The following MCTS1 variants were observed in gnomAD, a reference collection of about 807,000 sequenced individuals.
The protein encoded by MCTS1 is malignant T-cell-amplified sequence 1.
For missense variants in MCTS1, 55 were observed against 128.6 expected (o/e 0.43, Z 2.77); for synonymous variants, 26 against 40.8 (o/e 0.64, Z 1.38).
intron 1 of MCTS1, 43 bp downstream of exon 1, chrX:120,604,290 G>A: frequency 2.5e-6 from 3 of 1,200,266 alleles, no homozygotes; most frequent in Non-Finnish European, 3.4e-6. Flanking sequence ...CACAAAGGCG[G>A]TGGGGTGGGG....
intron 1 of MCTS1, 85 bp downstream of exon 1, chrX:120,604,332 T>C: frequency 8.8e-7 from 1 of 1,130,838 alleles, no homozygotes. Context: ...AAGATCCTCT[T>C]TCTCTCTCCC....
rs1437114567 is a variant in MCTS1 at position 120,618,041 on chromosome X, TG to T, written c.*5779del. On this transcript the variant is annotated 3_prime_UTR_variant, in exon 6 of 6. Transcript: ENST00000371317. ...GGATGTTGTCTTTGTCCCCAAATTC[TG>T]GTGTTGTCCTATGCTGATGCATAAT... is the stretch of plus-strand genomic sequence containing the variant. Among the ~76,000 whole-genome samples the T allele has an allele frequency of 1.7e-4, 19 of 112,927 alleles. No individual in the cohort carries two copies. The highest frequency in any genetic ancestry group is 6.1e-4 in the African/African-American group (19 of 31,068).
At position 120,613,090 on chromosome X, in the gene MCTS1, C is replaced by T. The variant is rs1926743169; in HGVS notation, c.*826C>T. On this transcript the variant is annotated 3_prime_UTR_variant, in exon 6 of 6. Coordinates refer to ENST00000371317, the MANE Select transcript of MCTS1 (RefSeq NM_014060.3). ...TACAGGCACGTGCCACCATGCCCGG[C>T]TAATTTTGTATTTTTGGTAGAGATG... Among the ~76,000 whole-genome samples the T allele has an allele frequency of 9.1e-6, 1 of 109,998 alleles. No individual in the cohort carries two copies. Among genetic ancestry groups the T allele is most frequent in the Admixed American group, 9.7e-5 (1 of 10,262 alleles).
Position 120,605,020 on chromosome X carries a change from T to C in MCTS1, c.12-387T>C, listed in dbSNP as rs1926496866. On this transcript the variant is annotated intron_variant, in intron 1 of 5. Coordinates refer to ENST00000371317, the MANE Select transcript of MCTS1 (RefSeq NM_014060.3). The stretch of plus-strand genomic sequence containing the variant: ...GGGTTGGTCTTTTGTATCTCAAGAA[T>C]TGAGGGTTTTGTTTTCTGATCTCAG... Among the ~76,000 whole-genome samples, 5 of 111,380 alleles carry C rather than the reference T, an allele frequency of 4.5e-5. No individual in the cohort carries two copies. The South Asian group carries it at 1.9e-3, about 42-fold the overall frequency.
rs1340565403 is a variant in MCTS1, at chrX:120,615,271, T to C, written c.*3007T>C. 8.9e-6 allele frequency among the ~76,000 whole-genome samples: 1 copy of C among 112,336 alleles called. No homozygotes were observed. The highest frequency in any genetic ancestry group is 1.9e-5 in the Non-Finnish European group (1 of 53,313). ...CTGCTTCTCTCAGGCAGTGTGTCTT[T>C]AGTTCATTTTTAGTTTCAAAATTAA... is the stretch of plus-strand genomic sequence containing the variant. On this transcript the variant is annotated 3_prime_UTR_variant, in exon 6 of 6. Transcript: ENST00000371317.
In MCTS1 at chrX:120,617,273, CCT is replaced by C. The variant is rs1424308957; in HGVS notation, c.*5012_*5013del. ...ATGGCACGATCTCGGCTCACTGCAA[CCT>C]CTGTCTTCCGGGTTCAAGCGATTCT... is the stretch of plus-strand genomic sequence containing the variant. On this transcript the variant is annotated 3_prime_UTR_variant, in exon 6 of 6. Transcript: ENST00000371317. 7.2e-5 allele frequency among the ~76,000 whole-genome samples: 8 copies of C among 111,656 alleles called. No homozygotes were observed. Among genetic ancestry groups the C allele is most frequent in the African/African-American group, 9.8e-5 (3 of 30,701 alleles).
rs765659839 is a variant in MCTS1 at position 120,619,020 on chromosome X, A to G, written c.*6756A>G. On this transcript the variant is annotated 3_prime_UTR_variant, in exon 6 of 6. Coordinates refer to ENST00000371317, the MANE Select transcript of MCTS1 (RefSeq NM_014060.3). ...ATTAAAGTGTAGGGAGATAGAAACTATACCAATTTGGGCAATTTTGGCTCT... is the reference window on the plus strand; with the variant it reads ...ATTAAAGTGTAGGGAGATAGAAACTGTACCAATTTGGGCAATTTTGGCTCT... Among the ~76,000 whole-genome samples, 8 of 112,199 alleles carry G rather than the reference A, an allele frequency of 7.1e-5. No homozygotes were observed. The highest frequency in any genetic ancestry group is 1.5e-4 in the Non-Finnish European group (8 of 53,280).
intron 5 of MCTS1, 67 bp downstream of exon 5, chrX:120,611,145 T>TA: frequency 9.8e-7 from 1 of 1,015,244 alleles, no homozygotes; most frequent in Admixed American, 2.2e-5. Flanking sequence ...GCATCAGAAT[T>TA]ACAGGTGAAA....
At position 120,612,660 on chromosome X, in the gene MCTS1, C is replaced by CGTGTGTGTGT. The variant is rs10563395; in HGVS notation, c.*413_*422dup. On this transcript the variant is annotated 3_prime_UTR_variant, in exon 6 of 6. Transcript: ENST00000371317. Reference sequence around the variant, plus strand: ...CAGGGGACCCAGCAGTGCTCATTCTCGTGTGTGTGTGTGTGTGTGTGTGTG... The same window carrying CGTGTGTGTGT: ...CAGGGGACCCAGCAGTGCTCATTCTCGTGTGTGTGTGTGTGTGTGTGTGTGTGTGTGTGTG... Among the ~76,000 whole-genome samples, 32 of 97,406 alleles carry CGTGTGTGTGT rather than the reference C, an allele frequency of 3.3e-4. No individual in the cohort carries two copies. Among genetic ancestry groups the CGTGTGTGTGT allele is most frequent in the African/African-American group, 1.1e-3 (29 of 25,707 alleles). 84.6% of individuals were successfully genotyped at this position (97,406 alleles called of 115,157 possible). A position where few individuals can be genotyped will look rare whatever the true frequency, so the allele number is the denominator to read the frequency against.
Position 120,619,888 on chromosome X carries a change from C to T in MCTS1, c.*7624C>T, listed in dbSNP as rs1926966749. Reference sequence around the variant, plus strand: ...CACTTTCAAGCCAGGTGATTTGTGACCATTTAAATGTTATGCTATTTCAAA... The same window carrying T: ...CACTTTCAAGCCAGGTGATTTGTGATCATTTAAATGTTATGCTATTTCAAA... On this transcript the variant is annotated 3_prime_UTR_variant, in exon 6 of 6. Coordinates refer to ENST00000371317, the MANE Select transcript of MCTS1 (RefSeq NM_014060.3). Among the ~76,000 whole-genome samples the T allele has an allele frequency of 8.9e-6, 1 of 111,807 alleles. No individual in the cohort carries two copies. Among genetic ancestry groups the T allele is most frequent in the African/African-American group, 3.3e-5 (1 of 30,708 alleles).
rs774594565 is a variant in MCTS1, at chrX:120,621,109, GATA to G, written c.*8849_*8851del. 1 of 112,352 alleles carries G rather than the reference GATA, an allele frequency of 8.9e-6. No individual in the cohort carries two copies. The highest frequency in any genetic ancestry group is 2.8e-4 in the East Asian group (1 of 3,599). The allele number at this position is 112,352 out of a possible 1,213,427, so 9.3% of individuals were successfully genotyped here. A position where few individuals can be genotyped will look rare whatever the true frequency, so the allele number is the denominator to read the frequency against. ...TTTCCTGTTGATTATATATTGAAAT[GATA>G]ATATTTTGGATATGTTTGGGTTAAA... On this transcript the variant is annotated 3_prime_UTR_variant, in exon 6 of 6. Coordinates refer to ENST00000371317, the MANE Select transcript of MCTS1 (RefSeq NM_014060.3).
In MCTS1 at chrX:120,618,477, C is replaced by G. The variant is rs961415895; in HGVS notation, c.*6213C>G. ...ACAGCTTTCTTAGAGTTGACTTATC[C>G]AGGATTAAGAAAAAGTTTTCTTTTG... On this transcript the variant is annotated 3_prime_UTR_variant, in exon 6 of 6. Transcript: ENST00000371317. Among the ~76,000 whole-genome samples, 9 of 112,068 alleles carry G rather than the reference C, an allele frequency of 8.0e-5. No individual in the cohort carries two copies. The highest frequency in any genetic ancestry group is 2.9e-4 in the African/African-American group (9 of 30,873).
At chrX:120,605,695 A>G (rs1926514889) in intron 2 of MCTS1, 136 bp downstream of exon 2, 1 of 634,087 alleles carries the variant, frequency 1.6e-6, no homozygotes, top group Non-Finnish European at 2.2e-6. Context: ...GAATAACTCT[A>G]AAACTCCAAT....
rs1926591164 is a variant in MCTS1, at chrX:120,608,218, C to G, written c.263-7C>G. 2.6e-6 allele frequency: 3 copies of G among 1,175,357 alleles called. No individual in the cohort carries two copies. Among genetic ancestry groups the G allele is most frequent in the Non-Finnish European group, 1.1e-6 (1 of 872,969 alleles). On this transcript the variant is annotated splice_region_variant and splice_polypyrimidine_tract_variant and intron_variant, in intron 3 of 5. Coordinates refer to ENST00000371317, the MANE Select transcript of MCTS1 (RefSeq NM_014060.3). ...ATTATTAATATATTGTATATCTTTT[C>G]TTACAGATCCTTTTATCCTGCCACA...
chrX:120,617,770 TTAA>T lies in MCTS1; in HGVS notation c.*5511_*5513del, dbSNP rs1488695059. ...ATTGTCAATAACTGTTAACGTCCAT[TTAA>T]TAATCTATGGTGAAATAGGTAATTT... On this transcript the variant is annotated 3_prime_UTR_variant, in exon 6 of 6. Transcript: ENST00000371317. Among the ~76,000 whole-genome samples the T allele has an allele frequency of 8.9e-5, 10 of 112,382 alleles. No homozygotes were observed. The highest frequency in any genetic ancestry group is 8.5e-4 in the Admixed American group (9 of 10,582).
intron 1 of MCTS1, 199 bp downstream of exon 1, chrX:120,604,446 T>G: frequency 1.8e-6 from 1 of 565,926 alleles, no homozygotes; most frequent in East Asian, 3.9e-5. Context: ...TTAATTGGGT[T>G]TCAGTCCCTC....
In MCTS1 at chrX:120,620,769, A is replaced by G. The variant is rs1220699789; in HGVS notation, c.*8505A>G. ...ATTTAATTTTTGGGAAGAAAAATCC[A>G]GTGATTAAAGTCATGCAAGGAGATG... On this transcript the variant is annotated 3_prime_UTR_variant, in exon 6 of 6. Coordinates refer to ENST00000371317, the MANE Select transcript of MCTS1 (RefSeq NM_014060.3). The G allele has an allele frequency of 8.9e-6, 1 of 112,675 alleles. No individual in the cohort carries two copies. The highest frequency in any genetic ancestry group is 1.9e-5 in the Non-Finnish European group (1 of 53,372). The allele number at this position is 112,675 out of a possible 1,213,427, so 9.3% of individuals were successfully genotyped here.
At chrX:120,605,258 G>T in intron 1 of MCTS1, 149 bp from the exon 2 acceptor site, 2 of 518,085 alleles carry the variant, frequency 3.9e-6, no homozygotes, top group Non-Finnish European at 6.0e-6. Flanking sequence ...AAGGGAGATG[G>T]TATTTTTTTT....
rs1926672786 is a variant in MCTS1 at position 120,611,002 on chromosome X, TTC to T, written c.397-7_397-6del. Reference sequence around the variant, plus strand: ...TTGATAAATAGTTTTCTTAGCTGTGTTCTTTCAGGCTATCATGGCAGAAGGAA... The same window carrying T: ...TTGATAAATAGTTTTCTTAGCTGTGTTTTCAGGCTATCATGGCAGAAGGAA... On this transcript the variant is annotated splice_region_variant and splice_polypyrimidine_tract_variant and intron_variant, in intron 4 of 5. Transcript: ENST00000371317. The T allele has an allele frequency of 8.3e-7, 1 of 1,210,562 alleles. No homozygotes were observed. Among genetic ancestry groups the T allele is most frequent in the Admixed American group, 2.2e-5 (1 of 46,096 alleles).
Sources: allele counts gnomAD v4.1 joint callset (sites outside exome capture counted in the v4.1 genomes callset), GRCh38; gene constraint gnomAD v4.1.1; transcripts MANE v1.5; gene names NCBI Gene and HGNC (gene_info 2026-07-23, HGNC 2026-07-21).